AKR1E2: variants seen among roughly 807,000 people sequenced by gnomAD.
AKR1E2 encodes the protein 1,5-anhydro-D-fructose reductase.
AKR1E2 carries 43 observed loss-of-function variants against 41.9 expected under a neutral mutation model. That is an observed-to-expected ratio of 1.03 (90% confidence interval 0.80 to 1.32). The LOEUF is 1.32. AKR1E2 is among the 40% of genes most tolerant of loss of function. The pLI, the probability that AKR1E2 is intolerant of heterozygous loss-of-function variation, is 0.00. For synonymous variants in AKR1E2, 121 were observed against 138.9 expected (o/e 0.87, Z 0.91); for missense variants, 423 against 396.5 (o/e 1.07, Z -0.57).
At chr10:4,842,533 G>T (rs1465718426) in intron 8 of AKR1E2, 29 bp downstream of exon 8, 2 of 1,603,026 alleles carry the variant, frequency 1.2e-6, no homozygotes, top group Non-Finnish European at 1.7e-6. Flanking sequence ...TTATTTGGCG[G>T]GTTTCAGATC....
intron 1 of AKR1E2, among the ~76,000 whole-genome samples, chr10:4,826,857 C>A (rs1245652422): frequency 6.6e-6 from 1 of 152,010 alleles, no homozygotes; most frequent in Non-Finnish European, 1.5e-5. Context: ...AGTAGGATCG[C>A]CTGAGCTCAG....
upstream of AKR1E2, among the ~76,000 whole-genome samples, chr10:4,825,806 G>A (rs1382803933): frequency 6.6e-6 from 1 of 152,228 alleles, no homozygotes; most frequent in Non-Finnish European, 1.5e-5. Context: ...GGATGGCCCG[G>A]CCATGGCGAG....
At chr10:4,862,677 T>C in the AKR1E2 span, among the ~76,000 whole-genome samples, 2 of 152,194 alleles carry the variant, frequency 1.3e-5, no homozygotes, top group African/African-American at 4.8e-5. Flanking sequence ...CTAGGTGTTT[T>C]ATTTTCTTTG....
At chr10:4,864,500 T>G in the AKR1E2 span, among the ~76,000 whole-genome samples, 1 of 151,988 alleles carries the variant, frequency 6.6e-6, no homozygotes, top group African/African-American at 2.4e-5. Context: ...CCACAGCCAG[T>G]ATCGTACTGA....
At chr10:4,861,269 T>G in the AKR1E2 span, among the ~76,000 whole-genome samples, 1 of 152,180 alleles carries the variant, frequency 6.6e-6, no homozygotes, top group Non-Finnish European at 1.5e-5. Context: ...TAATGTGTTA[T>G]TTAATTAAAA....
chr10:4,848,300 TC>T (rs1435553164), downstream of AKR1E2, among the ~76,000 whole-genome samples: 1 of 152,234 alleles, frequency 6.6e-6, no homozygotes, highest in Non-Finnish European at 1.5e-5. Flanking sequence ...GAAATACAGC[TC>T]ACTTTCTCAC....
At chr10:4,850,686 C>T (rs1388553891), downstream of AKR1E2, among the ~76,000 whole-genome samples, 1 of 152,148 alleles carries the variant, frequency 6.6e-6, no homozygotes, top group African/African-American at 2.4e-5. Flanking sequence ...CAATTCCTTA[C>T]TGCCTAATGA....
chr10:4,833,352 G>A lies in AKR1E2; in HGVS notation c.210G>A (p.Leu70=). The A allele has an allele frequency of 1.2e-6, 2 of 1,613,766 alleles. No homozygotes were observed. The highest frequency in any genetic ancestry group is 1.7e-6 in the Non-Finnish European group (2 of 1,179,656). ...CGCTGGTCCCCTCTCCTTTGTAGCT[G>A]TGGTGCACCTGCCATAAGAAGTCCT... ...RREDLFIATK[L]WCTCHKKSLV... The change falls in exon 3 of 10, where the codon CTG becomes CTA. Residue 70 remains leucine, a splice_region_variant and synonymous_variant. Transcript: ENST00000298375.
At chr10:4,838,008 G>T (rs374261069) in intron 5 of AKR1E2, among the ~76,000 whole-genome samples, 2 of 152,216 alleles carry the variant, frequency 1.3e-5, no homozygotes, top group Non-Finnish European at 2.9e-5. Context: ...CAGGCACTTC[G>T]TTTTTTTAAT....
the AKR1E2 span, among the ~76,000 whole-genome samples, chr10:4,853,818 T>A: frequency 2.3e-4 from 35 of 152,218 alleles, no homozygotes; most frequent in East Asian, 6.6e-3. Flanking sequence ...AAAATACAGG[T>A]CATAAAGACC....
the AKR1E2 span, among the ~76,000 whole-genome samples, chr10:4,856,489 A>G: frequency 6.6e-6 from 1 of 152,216 alleles, no homozygotes; most frequent in Non-Finnish European, 1.5e-5. Context: ...ACGATTGGAT[A>G]CATTTATCTA....
Position 4,833,346 on chromosome 10 carries a change from G to A in AKR1E2, c.208-4G>A. The A allele has an allele frequency of 6.2e-7, 1 of 1,612,996 alleles. No homozygotes were observed. Among genetic ancestry groups the A allele is most frequent in the Non-Finnish European group, 8.5e-7 (1 of 1,178,964 alleles). Reference sequence around the variant, plus strand: ...GTGTGACGCTGGTCCCCTCTCCTTTGTAGCTGTGGTGCACCTGCCATAAGA... The same window carrying A: ...GTGTGACGCTGGTCCCCTCTCCTTTATAGCTGTGGTGCACCTGCCATAAGA... On this transcript the variant is annotated splice_region_variant and splice_polypyrimidine_tract_variant and intron_variant, in intron 2 of 9. Transcript: ENST00000298375.
chr10:4,848,336 T>G (rs1443663524), downstream of AKR1E2, among the ~76,000 whole-genome samples: 2 of 152,242 alleles, frequency 1.3e-5, no homozygotes, highest in African/African-American at 4.8e-5. Context: ...CCTGTTTAGA[T>G]TCATGTATCA....
In AKR1E2 at chr10:4,847,641, C is replaced by A; in HGVS notation, c.*111C>A. On this transcript the variant is annotated 3_prime_UTR_variant, in exon 10 of 10. Coordinates refer to ENST00000298375, the MANE Select transcript of AKR1E2 (RefSeq NM_001040177.3). ...AGGGCAGCTGTGCCTGGGACAGGAG[C>A]CACACAGTCAGAGGGGGATGTAAGA... The A allele has an allele frequency of 1.6e-6, 2 of 1,289,246 alleles. No individual in the cohort carries two copies. Among genetic ancestry groups the A allele is most frequent in the Non-Finnish European group, 2.2e-6 (2 of 906,018 alleles). 79.9% of individuals were successfully genotyped at this position (1,289,246 alleles called of 1,614,324 possible). A position where few individuals can be genotyped will look rare whatever the true frequency, so the allele number is the denominator to read the frequency against.
the AKR1E2 span, among the ~76,000 whole-genome samples, chr10:4,868,074 G>C: frequency 6.6e-6 from 1 of 152,190 alleles, no homozygotes; most frequent in South Asian, 2.1e-4. Context: ...GAGTAATGCA[G>C]CTGTATAAAC....
At chr10:4,847,122 C>T in intron 8 of AKR1E2, 26 bp from the exon 9 acceptor site, 4 of 1,613,640 alleles carry the variant, frequency 2.5e-6, no homozygotes, top group Middle Eastern at 1.6e-4. Context: ...ACTAAGTTTT[C>T]TACAAACATT....
chr10:4,848,729 C>T (rs191216382), downstream of AKR1E2, among the ~76,000 whole-genome samples: 18 of 152,284 alleles, frequency 1.2e-4, no homozygotes, highest in African/African-American at 4.1e-4. Context: ...TTCCCCTCCA[C>T]ATCACTTCCC....
Position 4,847,175 on chromosome 10 carries a change from G to A in AKR1E2, c.865G>A (p.Asp289Asn), listed in dbSNP as rs140861331. ...QVFDFELTQHDMDNILSLNRN... is the reference protein window; with the variant it reads ...QVFDFELTQHNMDNILSLNRN... Reference sequence around the variant, plus strand: ...GTTTGATTTTGAATTAACACAGCACGATATGGATAACATCCTCAGCCTAAA... The same window carrying A: ...GTTTGATTTTGAATTAACACAGCACAATATGGATAACATCCTCAGCCTAAA... The change falls in exon 9 of 10, where the codon GAT becomes AAT. Residue 289 changes from aspartate to asparagine, a missense_variant. Physicochemically the swap from Asp to Asn is conservative, Grantham distance 23. Coordinates refer to ENST00000298375, the MANE Select transcript of AKR1E2 (RefSeq NM_001040177.3). 5.1e-5 allele frequency: 83 copies of A among 1,614,162 alleles called. No homozygotes were observed. In the Middle Eastern group the frequency reaches 6.6e-4, roughly 13 times the overall value.
the AKR1E2 span, among the ~76,000 whole-genome samples, chr10:4,857,016 A>T: frequency 6.6e-6 from 1 of 151,674 alleles, no homozygotes; most frequent in Non-Finnish European, 1.5e-5. Context: ...TCCTCCTCCA[A>T]CCCCTGGCAA....
Sources: gnomAD v4.1 joint callset for allele counts (sites outside exome capture counted in the v4.1 genomes callset) on GRCh38, gnomAD v4.1.1 for gene constraint, MANE v1.5 for transcripts, NCBI Gene and HGNC (gene_info 2026-07-23, HGNC 2026-07-21) for gene names.